The following BMAL2 variants were observed in gnomAD, a reference collection of about 807,000 sequenced individuals.
The protein encoded by BMAL2 is basic helix-loop-helix ARNT like 2.
chr12:27,372,421 G>T, the BMAL2 span, among the ~76,000 whole-genome samples: 1 of 152,130 alleles, frequency 6.6e-6, no homozygotes, highest in African/African-American at 2.4e-5. Context: ...CTGTTGATGG[G>T]TTATTTCCAC....
the BMAL2 span, among the ~76,000 whole-genome samples, chr12:27,338,210 C>G: frequency 1.3e-5 from 2 of 152,150 alleles, no homozygotes; most frequent in Non-Finnish European, 2.9e-5. Flanking sequence ...ACTAGGCAAA[C>G]AGAGAAGCAG....
At chr12:27,407,185 G>A in the BMAL2 span, among the ~76,000 whole-genome samples, 21 of 152,044 alleles carry the variant, frequency 1.4e-4, no homozygotes, top group African/African-American at 4.1e-4. Context: ...ACAGATCAAC[G>A]AGACAGAAAG....
the BMAL2 span, among the ~76,000 whole-genome samples, chr12:27,372,491 C>A: frequency 4.7e-4 from 72 of 152,138 alleles, no homozygotes; most frequent in African/African-American, 1.5e-3. Context: ...CCGTTTTAGT[C>A]CTTGCTTTCC....
chr12:27,349,501 T>C, the BMAL2 span, among the ~76,000 whole-genome samples: 2 of 152,198 alleles, frequency 1.3e-5, no homozygotes, highest in African/African-American at 4.8e-5. Flanking sequence ...GATTTAATCT[T>C]GCTCCACAGC....
At chr12:27,337,730 A>C in the BMAL2 span, among the ~76,000 whole-genome samples, 1 of 152,224 alleles carries the variant, frequency 6.6e-6, no homozygotes, top group Admixed American at 6.5e-5. Context: ...AACTTGGTCA[A>C]ATTTTAAAAC....
At chr12:27,398,276 A>G in the BMAL2 span, among the ~76,000 whole-genome samples, 780 of 152,274 alleles carry the variant, frequency 5.1e-3, 6 homozygotes, top group Middle Eastern at 0.027. Context: ...ATGTCCTGTA[A>G]ATTAAGGCAG....
At chr12:27,400,376 G>A in the BMAL2 span, among the ~76,000 whole-genome samples, 1 of 152,048 alleles carries the variant, frequency 6.6e-6, no homozygotes, top group Non-Finnish European at 1.5e-5. Context: ...AACAAAATTG[G>A]TGATATCTTT....
At chr12:27,361,319 GATT>G in the BMAL2 span, among the ~76,000 whole-genome samples, 1 of 152,288 alleles carries the variant, frequency 6.6e-6, no homozygotes, top group African/African-American at 2.4e-5. Flanking sequence ...TTGCAAGATT[GATT>G]ATCATCACCA....
chr12:27,362,042 C>T, the BMAL2 span, among the ~76,000 whole-genome samples: 25 of 151,202 alleles, frequency 1.7e-4, no homozygotes, highest in African/African-American at 6.1e-4. Flanking sequence ...AAAAAATCTT[C>T]GTTTTATTTC....
chr12:27,348,271 T>G, the BMAL2 span, among the ~76,000 whole-genome samples: 1 of 152,188 alleles, frequency 6.6e-6, no homozygotes, highest in South Asian at 2.1e-4. Flanking sequence ...TGTTCTCTCT[T>G]TGGCTTTTTT....
the BMAL2 span, chr12:27,424,024 T>C: frequency 6.6e-6 from 1 of 152,220 alleles, no homozygotes; most frequent in Admixed American, 6.5e-5. Context: ...ACATTAATAA[T>C]TTTATATTAA....
the BMAL2 span, among the ~76,000 whole-genome samples, chr12:27,381,707 A>G: frequency 3.9e-5 from 6 of 152,194 alleles, no homozygotes; most frequent in Non-Finnish European, 8.8e-5. Context: ...TTTTGGGAAT[A>G]GCCCCAGTCC....
the BMAL2 span, among the ~76,000 whole-genome samples, chr12:27,392,050 A>T: frequency 6.6e-6 from 1 of 152,194 alleles, no homozygotes; most frequent in Non-Finnish European, 1.5e-5. Context: ...TTCAGTTTCC[A>T]TATCTTTAAC....
chr12:27,337,702 T>C, the BMAL2 span, among the ~76,000 whole-genome samples: 1 of 152,230 alleles, frequency 6.6e-6, no homozygotes, highest in South Asian at 2.1e-4. Flanking sequence ...TCTGGTTTCA[T>C]TACTTGTCAG....
the BMAL2 span, among the ~76,000 whole-genome samples, chr12:27,406,493 T>G: frequency 2.9e-3 from 439 of 152,260 alleles, 2 homozygotes; most frequent in South Asian, 0.016. Context: ...CAGCCAAACT[T>G]AAGCTTCATA....
chr12:27,354,719 A>G, the BMAL2 span, among the ~76,000 whole-genome samples: 18 of 152,214 alleles, frequency 1.2e-4, no homozygotes, highest in Admixed American at 2.6e-4. Context: ...GTATCTTACT[A>G]GGTATCTGCG....
chr12:27,408,688 CAG>C, the BMAL2 span, among the ~76,000 whole-genome samples: 1 of 152,144 alleles, frequency 6.6e-6, no homozygotes, highest in African/African-American at 2.4e-5. Context: ...TGGCACAAGA[CAG>C]GGATGCCGTC....
the BMAL2 span, among the ~76,000 whole-genome samples, chr12:27,377,175 C>T: frequency 6.6e-6 from 1 of 152,132 alleles, no homozygotes; most frequent in Non-Finnish European, 1.5e-5. Flanking sequence ...CTACAAAATA[C>T]TGCCATGGTT....
the BMAL2 span, chr12:27,333,098 CG>C: frequency 8.3e-7 from 1 of 1,205,846 alleles, no homozygotes; most frequent in Non-Finnish European, 1.0e-6. Flanking sequence ...GAGGCTGCGG[CG>C]GGAGGTGAGG....
Sources: gnomAD v4.1 joint callset for allele counts (sites outside exome capture counted in the v4.1 genomes callset) on GRCh38, gnomAD v4.1.1 for gene constraint, MANE v1.5 for transcripts, NCBI Gene and HGNC (gene_info 2026-07-23, HGNC 2026-07-21) for gene names.